COL4A2: variants seen among roughly 807,000 people sequenced by gnomAD.
The protein encoded by COL4A2 is collagen type IV alpha 2 chain.
A neutral mutation model predicts 200.2 loss-of-function variants in COL4A2; 99 were observed. The ratio of observed to expected loss-of-function variants is 0.49; its 90% CI spans 0.42 to 0.58. The LOEUF (loss-of-function observed/expected upper bound fraction) is 0.58. COL4A2 is among the 20% of genes least tolerant of loss of function. The probability of loss-of-function intolerance (pLI) is 0.00; values close to 1 mark genes in which losing one functional copy is unlikely to be tolerated. For synonymous variants in COL4A2, 897 were observed against 900.6 expected (o/e 1.00, Z 0.07); for missense variants, 1,950 against 2,314.1 (o/e 0.84, Z 3.23).
intron 4 of COL4A2, among the ~76,000 whole-genome samples, chr13:110,379,684 C>T (rs888681742): frequency 2.4e-4 from 36 of 152,120 alleles, no homozygotes; most frequent in Admixed American, 2.3e-3. Flanking sequence ...TTCGGAAGTG[C>T]GGGCTGCTGG....
chr13:110,363,755 A>G (rs991697434), intron 4 of COL4A2, among the ~76,000 whole-genome samples: 1 of 152,216 alleles, frequency 6.6e-6, no homozygotes, highest in African/African-American at 2.4e-5. Flanking sequence ...CCTTCCATGT[A>G]GATAGCCAGG....
At position 110,457,371 on chromosome 13, in the gene COL4A2, A is replaced by G; in HGVS notation, c.1368A>G (p.Lys456=). Residue 456 remains lysine (K), a synonymous_variant, in exon 21 of 48, where the codon AAA becomes AAG. Coordinates refer to ENST00000360467, the MANE Select transcript of COL4A2 (RefSeq NM_001846.4). The part of the protein sequence containing the change: ...DGFLFGLKGA[K]GRAGFPGLPG... ...TCCTGTTTGGGCTGAAAGGAGCAAA[A>G]GGAAGAGCAGGCTTCCCTGGGCTTC... 6.2e-7 allele frequency: 1 copy of G among 1,613,282 alleles called. No individual in the cohort carries two copies. Among genetic ancestry groups the G allele is most frequent in the South Asian group, 1.1e-5 (1 of 91,050 alleles).
At chr13:110,385,853 C>T (rs1198369879) in intron 4 of COL4A2, among the ~76,000 whole-genome samples, 5 of 116,386 alleles carry the variant, frequency 4.3e-5, no homozygotes, top group Admixed American at 9.2e-5. Flanking sequence ...GTGGATAGGC[C>T]GTGGTTGCAG....
At chr13:110,366,637 A>G (rs1381129401) in intron 4 of COL4A2, among the ~76,000 whole-genome samples, 1 of 152,172 alleles carries the variant, frequency 6.6e-6, no homozygotes, top group Non-Finnish European at 1.5e-5. Flanking sequence ...TAAATGCTGC[A>G]TGCAGTGGGT....
chr13:110,404,307 G>T (rs1359292921), intron 4 of COL4A2, among the ~76,000 whole-genome samples: 1 of 152,198 alleles, frequency 6.6e-6, no homozygotes, highest in Non-Finnish European at 1.5e-5. Context: ...TGAAGGTTCT[G>T]CTACTCCTCT....
chr13:110,324,703 G>T (rs1433880456), intron 3 of COL4A2, among the ~76,000 whole-genome samples: 1 of 152,226 alleles, frequency 6.6e-6, no homozygotes, highest in African/African-American at 2.4e-5. Flanking sequence ...GGTCCTAGAA[G>T]ACAGCCTCTG....
chr13:110,488,967 C>T lies in COL4A2; in HGVS notation c.3208-478C>T, dbSNP rs1427724029. ...CAGCAAGGCCAGGTGCAGTGGCTCA[C>T]GCCTGTAATCCCAGCACTTTGGGAA... On this transcript the variant is annotated intron_variant, in intron 34 of 47. Coordinates refer to ENST00000360467, the MANE Select transcript of COL4A2 (RefSeq NM_001846.4). 5.3e-5 allele frequency among the ~76,000 whole-genome samples: 8 copies of T among 152,190 alleles called. No individual in the cohort carries two copies. In the South Asian group the frequency reaches 8.3e-4, roughly 16 times the overall value.
chr13:110,430,054 A>G lies in COL4A2; in HGVS notation c.549+98A>G. 1.9e-5 allele frequency: 24 copies of G among 1,261,598 alleles called. No homozygotes were observed. In the South Asian group the frequency reaches 3.7e-4, roughly 19 times the overall value. The allele number at this position is 1,261,598 out of a possible 1,614,324, so 78.2% of individuals were successfully genotyped here. ...AAGTGAACTTTGCATGTAAGAATGA[A>G]TGTACTGAAGGCATGCCTAGAATGG... On this transcript the variant is annotated intron_variant, in intron 8 of 47. Coordinates refer to ENST00000360467, the MANE Select transcript of COL4A2 (RefSeq NM_001846.4).
chr13:110,375,244 C>T (rs1384657403), intron 4 of COL4A2, among the ~76,000 whole-genome samples: 2 of 152,296 alleles, frequency 1.3e-5, no homozygotes, highest in South Asian at 2.1e-4. Flanking sequence ...CCTTTGCCGT[C>T]GAATTCTGCC....
chr13:110,377,782 T>C (rs1431405657), intron 4 of COL4A2, among the ~76,000 whole-genome samples: 2 of 152,232 alleles, frequency 1.3e-5, no homozygotes, highest in African/African-American at 4.8e-5. Flanking sequence ...TAAAATCATC[T>C]GAATACGTAC....
chr13:110,489,155 G>C (rs1028722160), intron 34 of COL4A2, among the ~76,000 whole-genome samples: 4 of 152,142 alleles, frequency 2.6e-5, no homozygotes, highest in Admixed American at 1.3e-4. Flanking sequence ...AGGATGACTT[G>C]AGCCCAGGAA....
At chr13:110,484,801 T>A (rs995052631) in intron 32 of COL4A2, 104 bp from the exon 33 acceptor site, 3 of 1,430,372 alleles carry the variant, frequency 2.1e-6, no homozygotes, top group Non-Finnish European at 2.8e-6. Context: ...CTTCCCTGCT[T>A]GGGGGAGACG....
chr13:110,308,057 T>A lies in COL4A2; in HGVS notation c.45-12T>A. The A allele has an allele frequency of 6.2e-7, 1 of 1,613,726 alleles. No individual in the cohort carries two copies. The highest frequency in any genetic ancestry group is 8.5e-7 in the Non-Finnish European group (1 of 1,179,898). ...GCACGTTCACGTCTCTCTTCCTCCCTTTCCCATGCAGGTGGCTGCTGCTGG... is the reference window on the plus strand; with the variant it reads ...GCACGTTCACGTCTCTCTTCCTCCCATTCCCATGCAGGTGGCTGCTGCTGG... On this transcript the variant is annotated splice_polypyrimidine_tract_variant and intron_variant, in intron 2 of 47. Coordinates refer to ENST00000360467, the MANE Select transcript of COL4A2 (RefSeq NM_001846.4).
intron 26 of COL4A2, 106 bp from the exon 27 acceptor site, chr13:110,466,934 G>T: frequency 7.1e-7 from 1 of 1,398,860 alleles, no homozygotes; most frequent in Non-Finnish European, 9.9e-7. Flanking sequence ...TCCCAGAATG[G>T]TAGCCGGTTT....
chr13:110,362,028 C>G (rs1225096331), intron 4 of COL4A2, among the ~76,000 whole-genome samples: 1 of 152,184 alleles, frequency 6.6e-6, no homozygotes, highest in Non-Finnish European at 1.5e-5. Context: ...GCATAATCAT[C>G]TTCTGTGTCC....
Position 110,436,271 on chromosome 13 carries a change from T to C in COL4A2, c.729T>C (p.Gly243=). 6.2e-7 allele frequency: 1 copy of C among 1,613,992 alleles called. No homozygotes were observed. Among genetic ancestry groups the C allele is most frequent in the Non-Finnish European group, 8.5e-7 (1 of 1,180,018 alleles). ...TGCTTTTGCTTAACAATATGCAGGG[T>C]GACGTAGGGCAGCCGGGACCCAACG... ...LGFYGVKGEK[G]DVGQPGPNGI... Residue 243 remains glycine, a splice_region_variant and synonymous_variant, in exon 13 of 48, where the codon GGT becomes GGC. Transcript: ENST00000360467.
intron 4 of COL4A2, among the ~76,000 whole-genome samples, chr13:110,371,860 A>T (rs1878025040): frequency 6.6e-6 from 1 of 152,144 alleles, no homozygotes; most frequent in Non-Finnish European, 1.5e-5. Flanking sequence ...CGTCTCCCCC[A>T]GTTCTTATCC....
chr13:110,373,728 C>G (rs1010760841), intron 4 of COL4A2, among the ~76,000 whole-genome samples: 1 of 152,234 alleles, frequency 6.6e-6, no homozygotes, highest in Non-Finnish European at 1.5e-5. Context: ...AAAATTATAT[C>G]AAACTCTGCC....
chr13:110,337,566 T>C lies in COL4A2; in HGVS notation c.100-19906T>C, dbSNP rs142451489. Among the ~76,000 whole-genome samples, 569 of 152,310 alleles carry C rather than the reference T, an allele frequency of 3.7e-3. 1 individual carries two copies. Among genetic ancestry groups the C allele is most frequent in the Middle Eastern group, 0.024 (7 of 294 alleles). On this transcript the variant is annotated intron_variant, in intron 3 of 47. Coordinates refer to ENST00000360467, the MANE Select transcript of COL4A2 (RefSeq NM_001846.4). Reference sequence around the variant, plus strand: ...GTGGCAGGCTCAGAGAGGGTTGCCTTGGGATTCACAAAGCATGGCCCATGG... The same window carrying C: ...GTGGCAGGCTCAGAGAGGGTTGCCTCGGGATTCACAAAGCATGGCCCATGG...
Sources: allele counts gnomAD v4.1 joint callset (sites outside exome capture counted in the v4.1 genomes callset), GRCh38; gene constraint gnomAD v4.1.1; transcripts MANE v1.5; gene names NCBI Gene and HGNC (gene_info 2026-07-23, HGNC 2026-07-21).